Variants in PPP1R16B observed in about 807,000 individuals in gnomAD.
PPP1R16B encodes protein phosphatase 1 regulatory subunit 16B.
In PPP1R16B, 14 loss-of-function variants were observed where a neutral mutation model predicts 61.7. The ratio of observed to expected loss-of-function variants is 0.23; its 90% confidence interval spans 0.15 to 0.35. The LOEUF (loss-of-function observed/expected upper bound fraction) is 0.35. Ranked by LOEUF, PPP1R16B falls within the 10% of genes least tolerant of loss-of-function variation. PPP1R16B has a pLI of 1.00. For missense variants in PPP1R16B, 547 were observed against 752.5 expected (o/e 0.73, Z 3.19); for synonymous variants, 266 against 305.3 (o/e 0.87, Z 1.34).
intron 2 of PPP1R16B, among the ~76,000 whole-genome samples, chr20:38,889,356 G>C (rs1233607742): frequency 1.3e-5 from 2 of 152,218 alleles, no homozygotes; most frequent in Non-Finnish European, 2.9e-5. Flanking sequence ...GCTTAGCTCA[G>C]TGCCTGGCAT....
chr20:38,878,131 T>C (rs1425596507), intron 2 of PPP1R16B, among the ~76,000 whole-genome samples: 1 of 152,218 alleles, frequency 6.6e-6, no homozygotes, highest in Non-Finnish European at 1.5e-5. Flanking sequence ...GAATACTGTG[T>C]TGATTTGCAT....
intron 2 of PPP1R16B, among the ~76,000 whole-genome samples, chr20:38,870,359 C>T (rs1316229715): frequency 1.3e-5 from 2 of 152,170 alleles, no homozygotes; most frequent in Admixed American, 6.5e-5. Context: ...TCCACATACA[C>T]ATAACCTACC....
At chr20:38,895,889 CCCTCCCTCCCTCCTTCCT>C (rs2085335328) in intron 4 of PPP1R16B, among the ~76,000 whole-genome samples, 179 bp downstream of exon 4, 1 of 45,234 alleles carries the variant, frequency 2.2e-5, no homozygotes, top group Admixed American at 2.3e-4. Flanking sequence ...CTTCTTTCTT[CCCTCCCTCCCTCCTTCCT>C]TCTTTCTTCC....
intron 2 of PPP1R16B, among the ~76,000 whole-genome samples, chr20:38,879,972 G>GGGAATGCTTT (rs1219015177): frequency 4.1e-4 from 62 of 152,326 alleles, no homozygotes; most frequent in Admixed American, 2.9e-3. Context: ...GGCCCAGCCT[G>GGGAATGCTTT]GGAATGCTCT....
At chr20:38,843,729 A>C (rs1016048325) in intron 2 of PPP1R16B, among the ~76,000 whole-genome samples, 2 of 152,210 alleles carry the variant, frequency 1.3e-5, no homozygotes, top group Non-Finnish European at 2.9e-5. Context: ...ACCACATGTT[A>C]ACATAAATAT....
At chr20:38,897,736 C>T (rs2085360583) in intron 4 of PPP1R16B, among the ~76,000 whole-genome samples, 1 of 152,240 alleles carries the variant, frequency 6.6e-6, no homozygotes, top group Non-Finnish European at 1.5e-5. Flanking sequence ...TCTAGTTTCT[C>T]CACATCCTCA....
At chr20:38,838,322 G>A (rs1027768730) in intron 2 of PPP1R16B, 24 of 152,398 alleles carry the variant, frequency 1.6e-4, no homozygotes, top group African/African-American at 5.3e-4. Flanking sequence ...TCCAGTCAAT[G>A]AAAGAGCAGA....
At chr20:38,807,114 A>G (rs948992995) in intron 1 of PPP1R16B, among the ~76,000 whole-genome samples, 2 of 152,198 alleles carry the variant, frequency 1.3e-5, no homozygotes, top group African/African-American at 4.8e-5. Flanking sequence ...CTCCCTGGAA[A>G]GGGCCTGCCG....
rs184133949 is a variant in PPP1R16B, at chr20:38,858,893, G to A, written c.250+22718G>A. 5.3e-5 allele frequency among the ~76,000 whole-genome samples: 8 copies of A among 152,298 alleles called. No individual in the cohort carries two copies. In the East Asian group the frequency reaches 1.2e-3, roughly 22 times the overall value. ...GGAAAATTTGTCTCTGCTCCACAAC[G>A]TCCAGAGCCTGAGCTAGGATGACTG... On this transcript the variant is annotated intron_variant, in intron 2 of 10. Transcript: ENST00000299824.
At position 38,907,984 on chromosome 20, in the gene PPP1R16B, G is replaced by A. The variant is rs2085458549; in HGVS notation, c.1029-44G>A. ...GGAGTCCCTGTGTGTGCTCCTGCCTGTGGTGCCTGGGTGCAGCCTCTAGGA... is the reference window on the plus strand; with the variant it reads ...GGAGTCCCTGTGTGTGCTCCTGCCTATGGTGCCTGGGTGCAGCCTCTAGGA... On this transcript the variant is annotated intron_variant, in intron 9 of 10. Transcript: ENST00000299824. This position sits in a 1 kb window ranked among gnomAD's most constrained non-coding sequence, Gnocchi z 4.5. The A allele has an allele frequency of 2.5e-6, 4 of 1,614,008 alleles. No individual in the cohort carries two copies. The highest frequency in any genetic ancestry group is 1.3e-5 in the African/African-American group (1 of 75,052).
intron 1 of PPP1R16B, among the ~76,000 whole-genome samples, chr20:38,834,746 G>T (rs977186462): frequency 2.0e-4 from 31 of 151,828 alleles, no homozygotes; most frequent in Non-Finnish European, 4.6e-4. Context: ...ATTCCTTTAA[G>T]ATAAAACCAT....
chr20:38,834,678 T>G (rs1375386956), intron 1 of PPP1R16B, among the ~76,000 whole-genome samples: 2 of 152,186 alleles, frequency 1.3e-5, no homozygotes, highest in Non-Finnish European at 2.9e-5. Context: ...GTGGATTATA[T>G]CTGTCAATAT....
intron 3 of PPP1R16B, among the ~76,000 whole-genome samples, chr20:38,890,593 T>C (rs1277629526): frequency 1.3e-5 from 2 of 152,250 alleles, no homozygotes; most frequent in African/African-American, 4.8e-5. Context: ...ATTTTAGCCA[T>C]TGATGTCATC....
chr20:38,856,425 G>T (rs2085009363), intron 2 of PPP1R16B, among the ~76,000 whole-genome samples: 1 of 152,186 alleles, frequency 6.6e-6, no homozygotes, highest in African/African-American at 2.4e-5. Context: ...TGGAATCTGG[G>T]CTGTTGTAAA....
At chr20:38,908,565 G>C (rs2085465201) in intron 10 of PPP1R16B, among the ~76,000 whole-genome samples, 1 of 152,220 alleles carries the variant, frequency 6.6e-6, no homozygotes. Flanking sequence ...CCCAGGAGCT[G>C]AGGGTGCTAC....
intron 10 of PPP1R16B, among the ~76,000 whole-genome samples, chr20:38,908,562 G>A (rs2085465177): frequency 6.6e-6 from 1 of 152,234 alleles, no homozygotes; most frequent in Admixed American, 6.5e-5. Context: ...TCACCCAGGA[G>A]CTGAGGGTGC....
intron 1 of PPP1R16B, among the ~76,000 whole-genome samples, chr20:38,828,589 C>A (rs757529935): frequency 5.3e-5 from 8 of 152,216 alleles, no homozygotes; most frequent in Non-Finnish European, 1.2e-4. Flanking sequence ...TTGGTTTCAT[C>A]CAAAAGCCAG....
chr20:38,913,587 G>T (rs1053636066), intron 10 of PPP1R16B, among the ~76,000 whole-genome samples: 1 of 152,212 alleles, frequency 6.6e-6, no homozygotes, highest in African/African-American at 2.4e-5. Context: ...AAGCTAAAGA[G>T]AGACTGTTTT....
chr20:38,852,970 C>T (rs2084979811), intron 2 of PPP1R16B, among the ~76,000 whole-genome samples: 1 of 151,996 alleles, frequency 6.6e-6, no homozygotes, highest in South Asian at 2.1e-4. Context: ...GACGGTTTCA[C>T]CATGTTGGCC....
Sources: allele counts gnomAD v4.1 joint callset (sites outside exome capture counted in the v4.1 genomes callset), GRCh38; gene constraint gnomAD v4.1.1; non-coding constraint Gnocchi (gnomAD v3.1); transcripts MANE v1.5; gene names NCBI Gene and HGNC (gene_info 2026-07-23, HGNC 2026-07-21).